Variants in CDR2 observed in about 807,000 individuals in gnomAD.
The protein encoded by CDR2 is cerebellar degeneration related protein 2, also known as cerebellar degeneration-related protein 2.
Under a neutral mutation model 48.4 loss-of-function variants are expected in CDR2, and 34 were observed. The ratio of observed to expected loss-of-function variants is 0.70; its 90% CI spans 0.53 to 0.94. The LOEUF (loss-of-function observed/expected upper bound fraction) is 0.94. CDR2 is among the 40% of genes least tolerant of loss of function. CDR2 has a pLI of 0.00. For missense variants in CDR2, 498 were observed against 549.5 expected, an observed-to-expected ratio of 0.91 and a Z score of 0.94; for synonymous variants, 240 against 219.7, an observed-to-expected ratio of 1.09 and a Z score of -0.82.
In CDR2 at chr16:22,346,777, T is replaced by G; in HGVS notation, c.*188A>C. 1 of 668,934 alleles carries G rather than the reference T, an allele frequency of 1.5e-6. No individual in the cohort carries two copies. Among genetic ancestry groups the G allele is most frequent in the Admixed American group, 2.5e-5 (1 of 39,612 alleles). The allele number at this position is 668,934 out of a possible 1,614,324, so 41.4% of individuals were successfully genotyped here. On this transcript the variant is annotated 3_prime_UTR_variant, in exon 5 of 5. Coordinates refer to ENST00000268383, the MANE Select transcript of CDR2 (RefSeq NM_001802.2). ...CATGGGATTTCCTGGGGAGCTTAAATGGAAGTGGATCAGAGAACTGATACC... is the reference window on the plus strand; with the variant it reads ...CATGGGATTTCCTGGGGAGCTTAAAGGGAAGTGGATCAGAGAACTGATACC...
intron 4 of CDR2, among the ~76,000 whole-genome samples, chr16:22,348,876 T>C (rs1411647493): frequency 1.3e-5 from 2 of 152,230 alleles, no homozygotes; most frequent in Non-Finnish European, 2.9e-5. Flanking sequence ...AAGTGTTCCA[T>C]AAATACTTCT....
intron 1 of CDR2, among the ~76,000 whole-genome samples, chr16:22,365,693 T>A (rs2049040602): frequency 6.6e-6 from 1 of 152,240 alleles, no homozygotes; most frequent in Admixed American, 6.5e-5. Context: ...CTCTCTCTAT[T>A]CTTAGGTATA....
chr16:22,360,751 T>C (rs1373967488), intron 2 of CDR2, among the ~76,000 whole-genome samples: 1 of 107,978 alleles, frequency 9.3e-6, no homozygotes, highest in Non-Finnish European at 1.9e-5. Flanking sequence ...TTTTTTTTTT[T>C]TTTTTTTTTT....
chr16:22,350,346 GT>G (rs2048934460), intron 2 of CDR2, among the ~76,000 whole-genome samples: 1 of 152,154 alleles, frequency 6.6e-6, no homozygotes, highest in African/African-American at 2.4e-5. Flanking sequence ...ACCCATTTCA[GT>G]TTTCTCCAGG....
intron 4 of CDR2, chr16:22,349,076 G>T: frequency 1.9e-6 from 1 of 518,688 alleles, no homozygotes; most frequent in East Asian, 3.3e-5. Context: ...ACTGAAATAA[G>T]TGTTCCAAGA....
chr16:22,363,051 C>T (rs140524445), intron 2 of CDR2, among the ~76,000 whole-genome samples: 1 of 151,084 alleles, frequency 6.6e-6, no homozygotes, highest in Non-Finnish European at 1.5e-5. Context: ...CTCCCGGGTT[C>T]AAGTGATTCT....
In CDR2 at chr16:22,347,501, C is replaced by A; in HGVS notation, c.829G>T (p.Asp277Tyr). 6.2e-7 allele frequency: 1 copy of A among 1,614,086 alleles called. No individual in the cohort carries two copies. Among genetic ancestry groups the A allele is most frequent in the South Asian group, 1.1e-5 (1 of 91,078 alleles). Residue 277 changes from aspartate to tyrosine, a missense_variant, in exon 5 of 5, where the codon GAC becomes TAC. Transcript: ENST00000268383. ...TCTTTGAAAGGAACATACAGAGAGT[C>A]TGGCACCAGCTTCTCAACTCCATTC... ...FVNGVEKLVP[D>Y]SLYVPFKEPS... is the part of the protein sequence containing the mutation.
chr16:22,354,621 C>T, intron 2 of CDR2, among the ~76,000 whole-genome samples: 1 of 152,010 alleles, frequency 6.6e-6, no homozygotes, highest in East Asian at 1.9e-4. Flanking sequence ...GGTGTGGTGG[C>T]TCATGCCTGT....
At chr16:22,351,158 C>T (rs57507140) in intron 2 of CDR2, among the ~76,000 whole-genome samples, 2,209 of 152,234 alleles carry the variant, frequency 0.015, 62 homozygotes, top group African/African-American at 0.051. Flanking sequence ...TGATGGTTTC[C>T]GGCTTCATCC....
chr16:22,374,265 G>A lies in CDR2; in HGVS notation c.45C>T (p.Asp15=). ...GGTCCTGGTGGTCGTACCACGGCTC[G>A]TCCTCCTTCATCTCAAACTCCTCTA... is the stretch of plus-strand genomic sequence containing the variant. ...NLVEEFEMKE[D]EPWYDHQDLQ... The change falls in exon 1 of 5, where the codon GAC becomes GAT. Residue 15 remains aspartate (D), a synonymous_variant. Coordinates refer to ENST00000268383, the MANE Select transcript of CDR2 (RefSeq NM_001802.2). 5.0e-6 allele frequency: 8 copies of A among 1,603,324 alleles called. No individual in the cohort carries two copies. Among genetic ancestry groups the A allele is most frequent in the Non-Finnish European group, 3.4e-6 (4 of 1,175,586 alleles).
chr16:22,374,382 G>C lies in CDR2; in HGVS notation c.-73C>G, dbSNP rs1039746306. The C allele has an allele frequency of 2.8e-6, 3 of 1,063,790 alleles. No homozygotes were observed. Among genetic ancestry groups the C allele is most frequent in the South Asian group, 1.4e-5 (1 of 70,646 alleles). 65.9% of individuals were successfully genotyped at this position (1,063,790 alleles called of 1,614,324 possible). ...CAGCCGCTGCCCCGGGCTCTTCCCC[G>C]GCCCCTCCGCCCTCAGCCAGAGCCG... On this transcript the variant is annotated 5_prime_UTR_variant, in exon 1 of 5. Coordinates refer to ENST00000268383, the MANE Select transcript of CDR2 (RefSeq NM_001802.2).
chr16:22,356,028 A>G (rs1318926066), intron 2 of CDR2, among the ~76,000 whole-genome samples: 7 of 152,230 alleles, frequency 4.6e-5, no homozygotes, highest in Admixed American at 4.6e-4. Flanking sequence ...ATATTGCACT[A>G]TAGTTGCAGA....
chr16:22,367,772 G>T (rs575204041), intron 1 of CDR2, among the ~76,000 whole-genome samples: 36 of 152,146 alleles, frequency 2.4e-4, no homozygotes, highest in African/African-American at 8.2e-4. Flanking sequence ...TTTTCACTCT[G>T]GAAAAAGCAG....
chr16:22,374,205 C>A, intron 1 of CDR2, 26 bp downstream of exon 1: 5 of 1,533,006 alleles, frequency 3.3e-6, no homozygotes, highest in Non-Finnish European at 4.4e-6. Context: ...GGCCGCCGCC[C>A]GCCCGCGGGG....
Position 22,364,949 on chromosome 16 carries a change from C to T in CDR2, c.145G>A (p.Val49Ile), listed in dbSNP as rs767233088. ...LDRNTELEDS[V>I]QQMYTTNQEQ... ...TGATTGGTTGTATACATCTGCTGAA[C>T]AGAGTCCTCCAACTCTGTGTTCCGA... The change falls in exon 2 of 5, where the codon GTT (valine) becomes ATT (isoleucine). Residue 49 changes from valine to isoleucine, a missense_variant. Transcript: ENST00000268383. The T allele has an allele frequency of 6.2e-7, 1 of 1,613,768 alleles. No homozygotes were observed. Among genetic ancestry groups the T allele is most frequent in the Admixed American group, 1.7e-5 (1 of 60,026 alleles).
intron 1 of CDR2, among the ~76,000 whole-genome samples, chr16:22,366,499 G>C (rs757409704): frequency 2.0e-5 from 3 of 152,174 alleles, no homozygotes; most frequent in Non-Finnish European, 4.4e-5. Context: ...ATCAATGTGT[G>C]AAGGAACAGA....
chr16:22,369,840 G>C (rs975573568), intron 1 of CDR2, among the ~76,000 whole-genome samples: 2 of 152,156 alleles, frequency 1.3e-5, no homozygotes, highest in African/African-American at 4.8e-5. Flanking sequence ...TTTTAATTAA[G>C]GCACAAAAGA....
chr16:22,349,057 A>C, intron 4 of CDR2: 1 of 472,176 alleles, frequency 2.1e-6, no homozygotes, highest in Non-Finnish European at 3.8e-6. Flanking sequence ...GATTTAATAC[A>C]TTAAAAACAC....
At position 22,347,301 on chromosome 16, in the gene CDR2, G is replaced by A; in HGVS notation, c.1029C>T (p.Ile343=). ...RRAKAVKQRG[I]SLLHEVDTQY... ...GCGTGTCCACTTCGTGCAGAAGGGAGATGCCCCTCTGTTTCACAGCCTTGG... is the reference window on the plus strand; with the variant it reads ...GCGTGTCCACTTCGTGCAGAAGGGAAATGCCCCTCTGTTTCACAGCCTTGG... Residue 343 remains isoleucine (I), a synonymous_variant, in exon 5 of 5, where the codon ATC becomes ATT. Transcript: ENST00000268383. 2 of 1,614,226 alleles carry A rather than the reference G, an allele frequency of 1.2e-6. No homozygotes were observed. Among genetic ancestry groups the A allele is most frequent in the Non-Finnish European group, 1.7e-6 (2 of 1,180,044 alleles).
Sources: gnomAD v4.1 joint callset for allele counts (sites outside exome capture counted in the v4.1 genomes callset) on GRCh38, gnomAD v4.1.1 for gene constraint, MANE v1.5 for transcripts, NCBI Gene and HGNC (gene_info 2026-07-23, HGNC 2026-07-21) for gene names.